CELF2: variants seen among roughly 807,000 people sequenced by gnomAD.
CELF2 encodes the protein CUGBP Elav-like family member 2, also known as CUG triplet repeat RNA-binding protein 2.
A neutral mutation model predicts 62.6 loss-of-function variants in CELF2; 8 were observed. That is an observed-to-expected ratio of 0.13 (90% CI 0.07 to 0.23). CELF2 has a LOEUF of 0.23. Ranked by LOEUF, CELF2 falls within the 10% of genes least tolerant of loss-of-function variation. The probability of loss-of-function intolerance (pLI) is 1.00; values close to 1 mark genes in which losing one functional copy is unlikely to be tolerated. For missense variants in CELF2, 333 were observed against 671.0 expected (o/e 0.50, Z 5.56); for synonymous variants, 258 against 250.0 (o/e 1.03, Z -0.30).
At chr10:10,832,610 G>T (rs193134987) in intron 1 of CELF2, among the ~76,000 whole-genome samples, 1 of 152,276 alleles carries the variant, frequency 6.6e-6, no homozygotes, top group East Asian at 1.9e-4. Context: ...AGGTGAGTCG[G>T]TTCAATAAAA....
the CELF2 span, among the ~76,000 whole-genome samples, chr10:10,563,343 G>T: frequency 6.6e-6 from 1 of 152,064 alleles, no homozygotes; most frequent in Non-Finnish European, 1.5e-5. Context: ...GGGCACAGTG[G>T]CTCCCACCTC....
the CELF2 span, among the ~76,000 whole-genome samples, chr10:10,790,447 C>T: frequency 6.6e-6 from 1 of 152,082 alleles, no homozygotes; most frequent in African/African-American, 2.4e-5. Flanking sequence ...CTGTTGCCTA[C>T]ACCTGAAAAA....
rs2062147130 is a variant in CELF2, at chr10:11,145,759, CT to C, written c.75-19720del. On this transcript the variant is annotated intron_variant, in intron 1 of 12. Coordinates refer to ENST00000633077, the MANE Select transcript of CELF2 (RefSeq NM_001326342.2). The surrounding 1 kb of genome is among the most constrained non-coding windows in gnomAD (Gnocchi z 4.3). ...ATAAGAAGTTGCTTCATTTATTTTT[CT>C]TTTTTTAGTGTCATTACCAGTATTG... is the stretch of plus-strand genomic sequence containing the variant. Among the ~76,000 whole-genome samples, 1 of 152,154 alleles carries C rather than the reference CT, an allele frequency of 6.6e-6. No individual in the cohort carries two copies. The highest frequency in any genetic ancestry group is 2.1e-4 in the South Asian group (1 of 4,830).
chr10:11,043,249 C>T (rs987612465), intron 1 of CELF2, among the ~76,000 whole-genome samples: 3 of 152,188 alleles, frequency 2.0e-5, no homozygotes, highest in African/African-American at 7.2e-5. Context: ...AATAACTAAG[C>T]CCGGAGGGTA....
the CELF2 span, among the ~76,000 whole-genome samples, chr10:10,787,235 C>T: frequency 6.6e-6 from 1 of 152,162 alleles, no homozygotes; most frequent in Admixed American, 6.5e-5. Flanking sequence ...GTCACACACA[C>T]ACACACACAC....
At position 11,280,475 on chromosome 10, in the gene CELF2, G is replaced by C. The variant is rs1014439521; in HGVS notation, c.841+5355G>C. 2.0e-5 allele frequency among the ~76,000 whole-genome samples: 3 copies of C among 152,210 alleles called. No individual in the cohort carries two copies. Among genetic ancestry groups the C allele is most frequent in the African/African-American group, 7.2e-5 (3 of 41,456 alleles). On this transcript the variant is annotated intron_variant, in intron 8 of 12. Transcript: ENST00000633077. The surrounding 1 kb of genome is among the most constrained non-coding windows in gnomAD (Gnocchi z 7.6). Reference sequence around the variant, plus strand: ...CAGGCAGGTGCGATGTCCACGTTCCGGGTGATGGCGCTGTGGCTGTGGATC... The same window carrying C: ...CAGGCAGGTGCGATGTCCACGTTCCCGGTGATGGCGCTGTGGCTGTGGATC...
intron 1 of CELF2, among the ~76,000 whole-genome samples, chr10:10,913,856 A>AGG (rs1554880041): frequency 0.016 from 1,141 of 72,292 alleles, 9 homozygotes; most frequent in African/African-American, 0.02. Flanking sequence ...GGAGGGAAGG[A>AGG]GAGAAGGAAG....
intron 9 of CELF2, among the ~76,000 whole-genome samples, chr10:11,295,122 T>G (rs556342714): frequency 6.6e-6 from 1 of 152,344 alleles, no homozygotes; most frequent in South Asian, 2.1e-4. Flanking sequence ...GCTCACTTTA[T>G]TTTCATTAAT....
rs1449570265 is a variant in CELF2 at position 11,177,518 on chromosome 10, A to C, written c.271+11836A>C. ...AAAATCAGTGAAGAAATGTTGCTTA[A>C]TTTGTACACTTCCCTGCAGTGCTGG... is the stretch of plus-strand genomic sequence containing the variant. On this transcript the variant is annotated intron_variant, in intron 2 of 12. Coordinates refer to ENST00000633077, the MANE Select transcript of CELF2 (RefSeq NM_001326342.2). This position sits in a 1 kb window ranked among gnomAD's most constrained non-coding sequence, Gnocchi z 4.8. Among the ~76,000 whole-genome samples, 4 of 152,132 alleles carry C rather than the reference A, an allele frequency of 2.6e-5. No homozygotes were observed. Among genetic ancestry groups the C allele is most frequent in the African/African-American group, 7.2e-5 (3 of 41,414 alleles).
At chr10:10,695,906 T>C in the CELF2 span, among the ~76,000 whole-genome samples, 1 of 151,586 alleles carries the variant, frequency 6.6e-6, no homozygotes, top group East Asian at 1.9e-4. Context: ...ATATACATTC[T>C]TCTAAATTTT....
At chr10:10,609,116 G>T in the CELF2 span, among the ~76,000 whole-genome samples, 2 of 152,172 alleles carry the variant, frequency 1.3e-5, no homozygotes, top group African/African-American at 2.4e-5. Context: ...AGTGTAGGCA[G>T]TCTTAGTGTT....
intron 1 of CELF2, among the ~76,000 whole-genome samples, chr10:11,024,990 T>G (rs1593362308): frequency 1.3e-5 from 2 of 152,324 alleles, no homozygotes; most frequent in South Asian, 4.1e-4. Context: ...CTAAAGAAAG[T>G]TCACAGCTTG....
chr10:10,720,224 C>T, the CELF2 span, among the ~76,000 whole-genome samples: 2 of 152,182 alleles, frequency 1.3e-5, no homozygotes, highest in African/African-American at 2.4e-5. Flanking sequence ...CTCATAGGCT[C>T]ATTGAATTAA....
At chr10:11,072,744 C>G (rs778762303) in intron 1 of CELF2, among the ~76,000 whole-genome samples, 2 of 152,090 alleles carry the variant, frequency 1.3e-5, no homozygotes, top group Non-Finnish European at 2.9e-5. Context: ...ACTAACACCT[C>G]GGGTTCACAG....
At chr10:10,678,435 G>A in the CELF2 span, among the ~76,000 whole-genome samples, 1 of 152,242 alleles carries the variant, frequency 6.6e-6, no homozygotes, top group East Asian at 1.9e-4. Context: ...TTTGCTACCT[G>A]AAAGATGATG....
intron 1 of CELF2, among the ~76,000 whole-genome samples, chr10:11,055,261 T>C (rs1363323660): frequency 2.6e-5 from 4 of 152,244 alleles, no homozygotes; most frequent in Admixed American, 6.5e-5. Flanking sequence ...ACAAAGCAGA[T>C]AGGTAGACTA....
the CELF2 span, among the ~76,000 whole-genome samples, chr10:10,662,060 T>A: frequency 6.6e-6 from 1 of 151,778 alleles, no homozygotes; most frequent in Admixed American, 6.6e-5. Context: ...CAAGGGAAAG[T>A]CCCTGGAGAG....
the CELF2 span, among the ~76,000 whole-genome samples, chr10:10,567,143 A>G: frequency 1.3e-5 from 2 of 152,230 alleles, no homozygotes; most frequent in African/African-American, 2.4e-5. Flanking sequence ...AATAATAGAT[A>G]CAAATAGATT....
intron 8 of CELF2, among the ~76,000 whole-genome samples, chr10:11,281,353 C>T (rs1024908182): frequency 5.3e-5 from 8 of 152,226 alleles, no homozygotes; most frequent in East Asian, 3.9e-4. Context: ...ATGAAGAACA[C>T]GACGAAGAGC....
Sources: gnomAD v4.1 joint callset for allele counts (sites outside exome capture counted in the v4.1 genomes callset) on GRCh38, gnomAD v4.1.1 for gene constraint, Gnocchi (gnomAD v3.1) non-coding constraint, MANE v1.5 for transcripts, NCBI Gene and HGNC (gene_info 2026-07-23, HGNC 2026-07-21) for gene names.